The following PROM1 variants were observed in gnomAD, a reference collection of about 807,000 sequenced individuals.
The protein encoded by PROM1 is prominin 1.
A neutral mutation model predicts 116.9 loss-of-function variants in PROM1; 105 were observed. The observed-to-expected ratio is 0.90, with a 90% CI of 0.77 to 1.06. The LOEUF (loss-of-function observed/expected upper bound fraction) is 1.06. Among genes scored for constraint, PROM1 ranks in the 50% least tolerant of loss-of-function variants. PROM1 has a pLI of 0.00. For synonymous variants in PROM1, 393 were observed against 387.0 expected (o/e 1.02, Z -0.18); for missense variants, 1,122 against 1,045.2 (o/e 1.07, Z -1.01).
At chr4:16,042,549 C>G (rs1239179970) in intron 2 of PROM1, among the ~76,000 whole-genome samples, 2 of 152,084 alleles carry the variant, frequency 1.3e-5, no homozygotes, top group Non-Finnish European at 1.5e-5. Flanking sequence ...TGTGCTGTAT[C>G]CACATCACAA....
Position 15,989,823 on chromosome 4 carries a change from G to T in PROM1, c.1985C>A (p.Pro662His). 6.3e-7 allele frequency: 1 copy of T among 1,596,964 alleles called. No individual in the cohort carries two copies. Among genetic ancestry groups the T allele is most frequent in the Non-Finnish European group, 8.6e-7 (1 of 1,169,552 alleles). The change falls in exon 19 of 28, where the codon CCC (proline) becomes CAC (histidine). Residue 662 changes from proline (P) to histidine (H), a missense_variant and splice_region_variant. Pro to His is a moderately conservative substitution (Grantham distance 77, BLOSUM62 -2). Transcript: ENST00000447510. The part of the protein sequence containing the change: ...YDLEAKANSL[P>H]PGNLRNSLKR... ...CAGGGAGTTCCTCAAATTTCCTGGG[G>T]GCTACAAAAAGAATAAAAAACAAAG...
At chr4:16,024,150 A>G in intron 7 of PROM1, 145 bp downstream of exon 7, 2 of 721,592 alleles carry the variant, frequency 2.8e-6, no homozygotes. Context: ...TCGCTGAGTA[A>G]CAAATGACAC....
At position 16,076,005 on chromosome 4, in the gene PROM1, A is replaced by G; in HGVS notation, c.-99T>C. On this transcript the variant is annotated 5_prime_UTR_variant, in exon 2 of 28. Coordinates refer to ENST00000447510, the MANE Select transcript of PROM1 (RefSeq NM_006017.3). ...AGGCAAGCGTGTTCCTGGGCAGAAG[A>G]GGAGCAGGAAGCACTGGATCTGCTG... 1 of 1,456,060 alleles carries G rather than the reference A, an allele frequency of 6.9e-7. No individual in the cohort carries two copies. Among genetic ancestry groups the G allele is most frequent in the Non-Finnish European group, 9.1e-7 (1 of 1,103,060 alleles). The allele number at this position is 1,456,060 out of a possible 1,614,324, so 90.2% of individuals were successfully genotyped here.
intron 12 of PROM1, among the ~76,000 whole-genome samples, chr4:16,008,185 A>G (rs1725998466): frequency 6.6e-6 from 1 of 152,200 alleles, no homozygotes; most frequent in South Asian, 2.1e-4. Flanking sequence ...CGGACTCCCC[A>G]TGGGCTTGGG....
intron 1 of PROM1, among the ~76,000 whole-genome samples, chr4:16,082,764 A>C (rs1304115467): frequency 6.6e-6 from 1 of 152,052 alleles, no homozygotes; most frequent in Non-Finnish European, 1.5e-5. Context: ...ATCTTGCCAG[A>C]GAGAAGGGGT....
At chr4:16,047,168 A>G (rs1240733087) in intron 2 of PROM1, among the ~76,000 whole-genome samples, 1 of 152,024 alleles carries the variant, frequency 6.6e-6, no homozygotes, top group African/African-American at 2.4e-5. Context: ...AGGCCTTTCA[A>G]CTGATTGGAT....
chr4:16,045,903 A>G (rs1221133519), intron 2 of PROM1, among the ~76,000 whole-genome samples: 2 of 152,240 alleles, frequency 1.3e-5, no homozygotes. Flanking sequence ...GAGTCATCCC[A>G]GGCCTGAGAC....
chr4:16,055,549 G>A (rs1345617149), intron 2 of PROM1: 6 of 396,430 alleles, frequency 1.5e-5, no homozygotes, highest in African/African-American at 4.2e-5. Flanking sequence ...ACCAATTCAC[G>A]GTAAACAGCC....
Position 15,970,906 on chromosome 4 carries a change from T to A in PROM1, c.*24+137A>T, listed in dbSNP as rs1470049918. 1.2e-5 allele frequency: 8 copies of A among 653,766 alleles called. No individual in the cohort carries two copies. The East Asian group carries it at 2.0e-4, about 16-fold the overall frequency. 40.5% of individuals were successfully genotyped at this position (653,766 alleles called of 1,614,324 possible). A position where few individuals can be genotyped will look rare whatever the true frequency, so the allele number is the denominator to read the frequency against. ...AGGTACAGAGGGTGGACTGGACATA[T>A]AAAATATCTTGTCTAATATGCTGAT... On this transcript the variant is annotated intron_variant, in intron 27 of 27. Coordinates refer to ENST00000447510, the MANE Select transcript of PROM1 (RefSeq NM_006017.3).
chr4:16,055,389 T>C (rs1443398134), intron 2 of PROM1: 2 of 456,132 alleles, frequency 4.4e-6, no homozygotes, highest in Non-Finnish European at 8.8e-6. Flanking sequence ...CTACCAGCTC[T>C]CATTTGGCTG....
intron 2 of PROM1, among the ~76,000 whole-genome samples, chr4:16,045,063 T>A (rs1168061300): frequency 6.6e-6 from 1 of 152,068 alleles, no homozygotes. Context: ...TACTCTGGGA[T>A]CCCACGGCCT....
intron 5 of PROM1, among the ~76,000 whole-genome samples, chr4:16,031,578 T>A (rs866511837): frequency 6.6e-6 from 1 of 151,696 alleles, no homozygotes; most frequent in African/African-American, 2.4e-5. Flanking sequence ...AAGGATCAAA[T>A]GATTTTTGGA....
At chr4:16,017,487 A>G (rs1215259922) in intron 9 of PROM1, among the ~76,000 whole-genome samples, 1 of 152,232 alleles carries the variant, frequency 6.6e-6, no homozygotes, top group Admixed American at 6.5e-5. Context: ...GAAATGTAAA[A>G]GTAAGAAAAA....
At chr4:15,988,622 G>T (rs1165363309) in intron 19 of PROM1, among the ~76,000 whole-genome samples, 1 of 152,178 alleles carries the variant, frequency 6.6e-6, no homozygotes, top group Admixed American at 6.5e-5. Context: ...TAGGTCTCAG[G>T]TAGGAAGCAC....
intron 19 of PROM1, among the ~76,000 whole-genome samples, chr4:15,987,929 T>G (rs1019590547): frequency 4.1e-5 from 6 of 145,282 alleles, no homozygotes; most frequent in Admixed American, 7.2e-5. Context: ...CAGGCTGGAG[T>G]GCAGTGGCAC....
chr4:15,997,340 T>C (rs750362338), intron 15 of PROM1, among the ~76,000 whole-genome samples: 5 of 150,022 alleles, frequency 3.3e-5, no homozygotes, highest in African/African-American at 4.9e-5. Flanking sequence ...GAAATGCATT[T>C]CTCTTAGCTC....
At chr4:15,972,902 C>T (rs114002196) in intron 26 of PROM1, among the ~76,000 whole-genome samples, 3,108 of 152,250 alleles carry the variant, frequency 0.02, 60 homozygotes, top group African/African-American at 0.048. Context: ...TCTGAGCAGC[C>T]GGACAACAGA....
At chr4:16,058,742 T>A (rs948952631) in intron 2 of PROM1, among the ~76,000 whole-genome samples, 1 of 151,454 alleles carries the variant, frequency 6.6e-6, no homozygotes, top group African/African-American at 2.4e-5. Flanking sequence ...CTTAAATGCA[T>A]TTATTAGGAA....
chr4:16,070,011 G>C (rs144999789), intron 2 of PROM1, among the ~76,000 whole-genome samples: 34 of 152,328 alleles, frequency 2.2e-4, no homozygotes, highest in African/African-American at 8.2e-4. Context: ...TCAGCTACTT[G>C]TTATAAGAGT....
Sources: allele counts gnomAD v4.1 joint callset (sites outside exome capture counted in the v4.1 genomes callset), GRCh38; gene constraint gnomAD v4.1.1; transcripts MANE v1.5; gene names NCBI Gene and HGNC (gene_info 2026-07-23, HGNC 2026-07-21).